ODF2L: variants seen among roughly 807,000 people sequenced by gnomAD.
ODF2L encodes outer dense fiber of sperm tails 2 like, also known as protein BCAP.
Under a neutral mutation model 86.3 loss-of-function variants are expected in ODF2L, and 76 were observed. The ratio of observed to expected loss-of-function variants is 0.88; its 90% CI spans 0.73 to 1.07. The LOEUF (loss-of-function observed/expected upper bound fraction) is 1.07. Among genes scored for constraint, ODF2L ranks in the 50% least tolerant of loss-of-function variants. The probability of loss-of-function intolerance (pLI) is 0.00; values close to 1 mark genes in which losing one functional copy is unlikely to be tolerated. For missense variants in ODF2L, 748 were observed against 717.4 expected, an observed-to-expected ratio of 1.04 and a Z score of -0.49; for synonymous variants, 241 against 231.3, an observed-to-expected ratio of 1.04 and a Z score of -0.38.
At chr1:86,378,844 C>A (rs1441497794) in intron 7 of ODF2L, among the ~76,000 whole-genome samples, 4 of 151,614 alleles carry the variant, frequency 2.6e-5, no homozygotes, top group African/African-American at 9.7e-5. Context: ...AGGGACACAG[C>A]CAAACTATAT....
In ODF2L at chr1:86,370,878, A is replaced by G. The variant is rs188782136; in HGVS notation, c.1056+140T>C. The G allele has an allele frequency of 3.3e-4, 156 of 477,136 alleles. 1 individual carries two copies. Among genetic ancestry groups the G allele is most frequent in the African/African-American group, 2.7e-3 (138 of 50,888 alleles). The allele number at this position is 477,136 out of a possible 1,614,324, so 29.6% of individuals were successfully genotyped here. ...ATAAATATTATTTAGTACTGCTGAA[A>G]ACATAATATCCTGACAAGCATAGAA... On this transcript the variant is annotated intron_variant, in intron 10 of 17. Transcript: ENST00000317336.
Position 86,371,008 on chromosome 1 carries a change from T to A in ODF2L, c.1056+10A>T. The A allele has an allele frequency of 6.5e-7, 1 of 1,548,022 alleles. No individual in the cohort carries two copies. Reference sequence around the variant, plus strand: ...CAATACATGCCTGCTCAAACACTCATACATAGTACCTTTAATTTTGTATTC... The same window carrying A: ...CAATACATGCCTGCTCAAACACTCAAACATAGTACCTTTAATTTTGTATTC... On this transcript the variant is annotated intron_variant, in intron 10 of 17. Coordinates refer to ENST00000317336, the Ensembl canonical transcript of ODF2L.
chr1:86,382,641 C>T (rs1019266406), intron 6 of ODF2L, among the ~76,000 whole-genome samples: 7 of 151,916 alleles, frequency 4.6e-5, no homozygotes, highest in Non-Finnish European at 1.0e-4. Flanking sequence ...CCTACAAACA[C>T]TAAAATTCCT....
chr1:86,363,853 G>A (rs545585908), intron 11 of ODF2L, among the ~76,000 whole-genome samples: 1 of 151,870 alleles, frequency 6.6e-6, no homozygotes, highest in Non-Finnish European at 1.5e-5. Flanking sequence ...TTTAATAGAG[G>A]AGGTTACTCG....
chr1:86,366,933 A>G (rs560453160), intron 11 of ODF2L, among the ~76,000 whole-genome samples: 1 of 152,258 alleles, frequency 6.6e-6, no homozygotes, highest in African/African-American at 2.4e-5. Context: ...AAGAAATAAT[A>G]TAACAGAATT....
chr1:86,360,183 T>C (rs950597416), intron 12 of ODF2L, among the ~76,000 whole-genome samples: 1 of 152,152 alleles, frequency 6.6e-6, no homozygotes, highest in Non-Finnish European at 1.5e-5. Flanking sequence ...ACCGATGTAA[T>C]TCATTTTAAA....
At chr1:86,393,534 AAAG>A (rs1558072770) in intron 1 of ODF2L, among the ~76,000 whole-genome samples, 1 of 152,220 alleles carries the variant, frequency 6.6e-6, no homozygotes, top group East Asian at 1.9e-4. Flanking sequence ...TCCAATGAAA[AAAG>A]AAGGATGTAT....
intron 7 of ODF2L, among the ~76,000 whole-genome samples, chr1:86,377,547 C>G (rs1660263688): frequency 6.6e-6 from 1 of 152,206 alleles, no homozygotes; most frequent in African/African-American, 2.4e-5. Context: ...ACCCCCGCAG[C>G]AAACTTCTGC....
intron 1 of ODF2L, among the ~76,000 whole-genome samples, chr1:86,388,876 A>C (rs1661129877): frequency 6.6e-6 from 1 of 152,164 alleles, no homozygotes. Flanking sequence ...ATAGGAATTC[A>C]GAATGACTTT....
At chr1:86,394,050 G>A (rs1211305858) in intron 1 of ODF2L, among the ~76,000 whole-genome samples, 1 of 152,186 alleles carries the variant, frequency 6.6e-6, no homozygotes, top group Non-Finnish European at 1.5e-5. Context: ...CAACACGACA[G>A]CTGTTGCCAT....
intron 1 of ODF2L, among the ~76,000 whole-genome samples, chr1:86,393,543 T>G (rs1661481731): frequency 6.6e-6 from 1 of 152,176 alleles, no homozygotes; most frequent in African/African-American, 2.4e-5. Flanking sequence ...AAAAGAAGGA[T>G]GTATATTTAA....
chr1:86,372,361 A>G, intron 9 of ODF2L, 70 bp downstream of exon 9: 5 of 691,202 alleles, frequency 7.2e-6, no homozygotes. Context: ...CAAAATACAA[A>G]CAACTCAAAG....
chr1:86,395,140 G>A (rs972777345), intron 1 of ODF2L, among the ~76,000 whole-genome samples: 2 of 152,158 alleles, frequency 1.3e-5, no homozygotes, highest in Non-Finnish European at 2.9e-5. Flanking sequence ...ACCGCGCCCG[G>A]CCCGGTTTGT....
At chr1:86,376,711 C>A (rs192127699) in intron 7 of ODF2L, among the ~76,000 whole-genome samples, 14 of 152,176 alleles carry the variant, frequency 9.2e-5, no homozygotes, top group African/African-American at 3.4e-4. Flanking sequence ...GGGGGAAGAG[C>A]CCCTTATAAA....
rs1371776574 is a variant in ODF2L at position 86,364,170 on chromosome 1, T to TTTCTAATCC, written c.1144-3643_1144-3635dup. 2.0e-5 allele frequency among the ~76,000 whole-genome samples: 3 copies of TTTCTAATCC among 152,308 alleles called. No homozygotes were observed. In the East Asian group the frequency reaches 5.8e-4, roughly 29 times the overall value. On this transcript the variant is annotated intron_variant, in intron 11 of 17. Transcript: ENST00000317336. The stretch of plus-strand genomic sequence containing the variant: ...TTATCAAAAACTAGTTTATAATATC[T>TTTCTAATCC]TTCTAATCCTTTCTCTCTGAAGGAT...
Position 86,383,009 on chromosome 1 carries a change from C to A in ODF2L, c.436-7G>T, listed in dbSNP as rs769893775. 59 of 1,457,428 alleles carry A rather than the reference C, an allele frequency of 4.0e-5. 2 individuals carry two copies. In the South Asian group the frequency reaches 6.6e-4, roughly 16 times the overall value. 90.3% of individuals were successfully genotyped at this position (1,457,428 alleles called of 1,614,324 possible). A position where few individuals can be genotyped will look rare whatever the true frequency, so the allele number is the denominator to read the frequency against. ...ATACCTTCTTCTTAAGATTCTTGAG[C>A]AAATATAAAATAAGAATTAGGAATT... On this transcript the variant is annotated splice_polypyrimidine_tract_variant and splice_region_variant and intron_variant, in intron 5 of 17. Transcript: ENST00000317336.
At chr1:86,366,645 A>C (rs1200520865) in intron 11 of ODF2L, among the ~76,000 whole-genome samples, 1 of 151,754 alleles carries the variant, frequency 6.6e-6, no homozygotes. Context: ...AAATTGAAAC[A>C]CTGAAAAAAA....
rs377705254 is a variant in ODF2L at position 86,382,337 on chromosome 1, G to A, written c.529C>T (p.Arg177Cys). ...ACTACTTTTACTGATTGGGAAAAAC[G>A]GTTTGCTTTCAAAGTATTTGCCTGT... is the stretch of plus-strand genomic sequence containing the variant. Residue 177 changes from arginine (R) to cysteine (C), a missense_variant, in exon 7 of 18, where the codon CGT becomes TGT. Arg to Cys is a radical substitution (Grantham distance 180). Coordinates refer to ENST00000317336, the Ensembl canonical transcript of ODF2L. 8.1e-5 allele frequency: 131 copies of A among 1,610,822 alleles called. No homozygotes were observed. Among genetic ancestry groups the A allele is most frequent in the Non-Finnish European group, 1.0e-4 (119 of 1,178,610 alleles).
Position 86,376,231 on chromosome 1 carries a change from A to C in ODF2L, c.810+2T>G, listed in dbSNP as rs1197705667. 4 of 1,576,522 alleles carry C rather than the reference A, an allele frequency of 2.5e-6. No individual in the cohort carries two copies. The highest frequency in any genetic ancestry group is 3.5e-6 in the Non-Finnish European group (4 of 1,148,708). ...AATTTTAAAAAGAATGCATTTACAT[A>C]CCTGATCTCTAATTTGGGAAGTAAG... On this transcript the variant is annotated splice_donor_variant, in intron 8 of 17. Coordinates refer to ENST00000317336, the Ensembl canonical transcript of ODF2L. LOFTEE classifies it high-confidence loss of function.
Sources: gnomAD v4.1 joint callset for allele counts (sites outside exome capture counted in the v4.1 genomes callset) on GRCh38, gnomAD v4.1.1 for gene constraint, MANE v1.5 for transcripts, NCBI Gene and HGNC (gene_info 2026-07-23, HGNC 2026-07-21) for gene names.